Variants in TMPRSS4 observed in about 807,000 individuals in gnomAD.
TMPRSS4 encodes the protein transmembrane serine protease 4.
Under a neutral mutation model 56.4 loss-of-function variants are expected in TMPRSS4, and 45 were observed. The observed-to-expected ratio is 0.80, with a 90% CI of 0.63 to 1.02. The LOEUF is 1.02. Among genes scored for constraint, TMPRSS4 ranks in the 50% least tolerant of loss-of-function variants. The pLI, the probability that TMPRSS4 is intolerant of heterozygous loss-of-function variation, is 0.00. For missense variants in TMPRSS4, 546 were observed against 556.7 expected, an observed-to-expected ratio of 0.98 and a Z score of 0.19; for synonymous variants, 205 against 211.0, an observed-to-expected ratio of 0.97 and a Z score of 0.25.
intron 1 of TMPRSS4, among the ~76,000 whole-genome samples, chr11:118,078,747 C>A (rs946084017): frequency 2.0e-5 from 3 of 152,176 alleles, no homozygotes; most frequent in Non-Finnish European, 4.4e-5. Context: ...AGGTCACTAA[C>A]TGCAGAATCA....
At chr11:118,098,872 G>A in intron 2 of TMPRSS4, 113 bp from the exon 3 acceptor site, 3 of 756,712 alleles carry the variant, frequency 4.0e-6, no homozygotes, top group Non-Finnish European at 6.6e-6. Flanking sequence ...AACCAAAACT[G>A]TGCTCAAGGC....
chr11:118,119,029 T>G lies in TMPRSS4; in HGVS notation c.*1116T>G. On this transcript the variant is annotated 3_prime_UTR_variant, in exon 13 of 13. Transcript: ENST00000437212. ...ATGAAAGCTTGGGTTTTCTGAGGAC[T>G]GTCTTGCTATAGTTAAGTCAGATCC... The G allele has an allele frequency of 2.0e-6, 2 of 985,448 alleles. No individual in the cohort carries two copies. The highest frequency in any genetic ancestry group is 2.4e-6 in the Non-Finnish European group (2 of 829,938). 61.0% of individuals were successfully genotyped at this position (985,448 alleles called of 1,614,324 possible).
Position 118,113,543 on chromosome 11 carries a change from C to T in TMPRSS4, c.910+108C>T, listed in dbSNP as rs533887656. 11 of 1,295,132 alleles carry T rather than the reference C, an allele frequency of 8.5e-6. No individual in the cohort carries two copies. In the East Asian group the frequency reaches 9.6e-5, roughly 11 times the overall value. 80.2% of individuals were successfully genotyped at this position (1,295,132 alleles called of 1,614,324 possible). On this transcript the variant is annotated intron_variant, in intron 9 of 12. Coordinates refer to ENST00000437212, the MANE Select transcript of TMPRSS4 (RefSeq NM_019894.4). ...GGCACATAATGTCTCCTCTCAAGTC[C>T]TCAGCTTGCCCATTTGTCTCTAATA...
intron 1 of TMPRSS4, among the ~76,000 whole-genome samples, chr11:118,083,050 TCTC>T (rs1475205110): frequency 1.3e-5 from 2 of 151,800 alleles, no homozygotes; most frequent in Admixed American, 6.6e-5. Context: ...CCTGCCTCCC[TCTC>T]CTCTGCTGCG....
intron 6 of TMPRSS4, chr11:118,108,561 G>T: frequency 2.4e-6 from 1 of 422,452 alleles, no homozygotes; most frequent in East Asian, 4.0e-5. Context: ...ACTCTGTTCC[G>T]GGCTCTGTCC....
intron 2 of TMPRSS4, among the ~76,000 whole-genome samples, chr11:118,098,621 T>C (rs1028436917): frequency 6.6e-6 from 1 of 152,160 alleles, no homozygotes; most frequent in African/African-American, 2.4e-5. Flanking sequence ...GGATAAATGG[T>C]GGCACAGTGA....
chr11:118,080,011 C>T (rs1315374370), intron 1 of TMPRSS4, among the ~76,000 whole-genome samples: 7 of 152,190 alleles, frequency 4.6e-5, no homozygotes, highest in Non-Finnish European at 8.8e-5. Context: ...CCACTCCCCC[C>T]CCACCAAAAG....
intron 4 of TMPRSS4, 120 bp downstream of exon 4, chr11:118,103,373 G>GTTGTTTGT (rs1299725467): frequency 2.7e-5 from 8 of 296,506 alleles, no homozygotes; most frequent in Non-Finnish European, 3.6e-5. Flanking sequence ...GTTGTATAAG[G>GTTGTTTGT]TTCTTTGTTT....
chr11:118,105,245 G>T (rs535195942), intron 5 of TMPRSS4, among the ~76,000 whole-genome samples: 44 of 152,250 alleles, frequency 2.9e-4, no homozygotes, highest in African/African-American at 1.0e-3. Flanking sequence ...TTTAGCTTAA[G>T]TGAGCCTAGT....
At position 118,078,493 on chromosome 11, in the gene TMPRSS4, T is replaced by C. The variant is rs533577602; in HGVS notation, c.3+1188T>C. Among the ~76,000 whole-genome samples, 13 of 152,344 alleles carry C rather than the reference T, an allele frequency of 8.5e-5. No individual in the cohort carries two copies. The South Asian group carries it at 1.9e-3, about 22-fold the overall frequency. On this transcript the variant is annotated intron_variant, in intron 1 of 12. Transcript: ENST00000437212. ...CAATTCTTAGTGCGGTTGTAGCTGATGATCAGAAAGGGGAAGGGGCTTCCC... is the reference window on the plus strand; with the variant it reads ...CAATTCTTAGTGCGGTTGTAGCTGACGATCAGAAAGGGGAAGGGGCTTCCC...
intron 3 of TMPRSS4, among the ~76,000 whole-genome samples, chr11:118,100,867 C>T (rs767095187): frequency 1.8e-4 from 28 of 152,256 alleles, no homozygotes; most frequent in Non-Finnish European, 3.2e-4. Flanking sequence ...TATCCTGGGC[C>T]CCCAGATTCT....
At chr11:118,077,385 C>T in intron 1 of TMPRSS4, 80 bp downstream of exon 1, 1 of 1,467,566 alleles carries the variant, frequency 6.8e-7, no homozygotes, top group Non-Finnish European at 9.1e-7. Flanking sequence ...GCCTGAGCAT[C>T]CATCAGCTGA....
At chr11:118,087,458 A>T (rs966005395) in intron 1 of TMPRSS4, 1 of 152,174 alleles carries the variant, frequency 6.6e-6, no homozygotes, top group African/African-American at 2.4e-5. Context: ...TAACTCTTTC[A>T]TCCCATCTCT....
rs1414421553 is a variant in TMPRSS4, at chr11:118,119,966, C to T, written c.*2053C>T. 1 of 152,196 alleles carries T rather than the reference C, an allele frequency of 6.6e-6. No homozygotes were observed. Among genetic ancestry groups the T allele is most frequent in the African/African-American group, 2.4e-5 (1 of 41,442 alleles). 9.4% of individuals were successfully genotyped at this position (152,196 alleles called of 1,614,324 possible). A position where few individuals can be genotyped will look rare whatever the true frequency, so the allele number is the denominator to read the frequency against. Reference sequence around the variant, plus strand: ...TGCAGTCATCACCACCATCCATCTCCAGAACAGAAACTCAGTACCCATCAA... The same window carrying T: ...TGCAGTCATCACCACCATCCATCTCTAGAACAGAAACTCAGTACCCATCAA... On this transcript the variant is annotated 3_prime_UTR_variant, in exon 13 of 13. Coordinates refer to ENST00000437212, the MANE Select transcript of TMPRSS4 (RefSeq NM_019894.4).
At position 118,121,096 on chromosome 11, in the gene TMPRSS4, C is replaced by T. The variant is rs994508994; in HGVS notation, c.*3183C>T. The T allele has an allele frequency of 2.0e-5, 3 of 152,060 alleles. No individual in the cohort carries two copies. The highest frequency in any genetic ancestry group is 4.4e-5 in the Non-Finnish European group (3 of 68,028). The allele number at this position is 152,060 out of a possible 1,614,324, so 9.4% of individuals were successfully genotyped here. On this transcript the variant is annotated 3_prime_UTR_variant, in exon 13 of 13. Transcript: ENST00000437212. ...GCTAGAAGTCAGTGGAAGTATATCT[C>T]CAGCATGCCAAAAGATAACAATCAA... is the stretch of plus-strand genomic sequence containing the variant.
downstream of TMPRSS4, among the ~76,000 whole-genome samples, chr11:118,122,854 G>C (rs1947821389): frequency 6.6e-6 from 1 of 152,130 alleles, no homozygotes; most frequent in Admixed American, 6.6e-5. Context: ...GTGGGACTTT[G>C]GGGGCTGATT....
In TMPRSS4 at chr11:118,102,350, TATC is replaced by T. The variant is rs570718743; in HGVS notation, c.158-744_158-742del. 2.9e-4 allele frequency among the ~76,000 whole-genome samples: 44 copies of T among 152,352 alleles called. No homozygotes were observed. The East Asian group carries it at 7.5e-3, about 26-fold the overall frequency. On this transcript the variant is annotated intron_variant, in intron 3 of 12. Transcript: ENST00000437212. ...AGCCCTGCGAGGCAGATATTATAGA[TATC>T]ATCATCCCATTGTACAGATGAGGAA...
chr11:118,081,450 G>A (rs1342585520), intron 1 of TMPRSS4, among the ~76,000 whole-genome samples: 1 of 152,202 alleles, frequency 6.6e-6, no homozygotes, highest in African/African-American at 2.4e-5. Flanking sequence ...AAACAAGATG[G>A]AAAACCGCAA....
At chr11:118,115,054 C>A in intron 10 of TMPRSS4, 84 bp from the exon 11 acceptor site, 3 of 1,560,304 alleles carry the variant, frequency 1.9e-6, no homozygotes, top group Non-Finnish European at 2.6e-6. Context: ...ACCAAGGCGC[C>A]AGGCAGAAAG....
Sources: gnomAD v4.1 joint callset for allele counts (sites outside exome capture counted in the v4.1 genomes callset) on GRCh38, gnomAD v4.1.1 for gene constraint, MANE v1.5 for transcripts, NCBI Gene and HGNC (gene_info 2026-07-23, HGNC 2026-07-21) for gene names.